The following HAS3 variants were observed in gnomAD, a reference collection of about 807,000 sequenced individuals.
HAS3 encodes the protein HA synthase 3.
A neutral mutation model predicts 50.3 loss-of-function variants in HAS3; 27 were observed. That is an observed-to-expected ratio of 0.54 (90% CI 0.40 to 0.74). HAS3 has a LOEUF of 0.74. HAS3 is among the 30% of genes least tolerant of loss of function. The pLI is 0.00. For missense variants in HAS3, 517 were observed against 742.8 expected (o/e 0.70, Z 3.53); for synonymous variants, 339 against 310.9 (o/e 1.09, Z -0.95).
intron 3 of HAS3, 65 bp downstream of exon 3, chr16:69,113,607 A>G (rs1340443445): frequency 1.1e-6 from 1 of 951,488 alleles, no homozygotes. Flanking sequence ...CCAATTGGAT[A>G]TGCCTGGGAA....
chr16:69,083,746 C>T, the HAS3 span: 2 of 1,418,060 alleles, frequency 1.4e-6, no homozygotes, highest in Middle Eastern at 2.3e-4. Flanking sequence ...GCCCTGCTGC[C>T]TCTTGAGTGC....
Position 69,116,949 on chromosome 16 carries a change from T to C in HAS3, c.*1683T>C. On this transcript the variant is annotated 3_prime_UTR_variant, in exon 4 of 4. Transcript: ENST00000569188. ...CTTCCTACAAAGACGCAAGGTGTGC[T>C]CTGAGCCACAGATGGGCAAACCCTG... The C allele has an allele frequency of 1.0e-6, 1 of 985,454 alleles. No homozygotes were observed. Among genetic ancestry groups the C allele is most frequent in the Non-Finnish European group, 1.2e-6 (1 of 829,946 alleles). The allele number at this position is 985,454 out of a possible 1,614,324, so 61.0% of individuals were successfully genotyped here. A position where few individuals can be genotyped will look rare whatever the true frequency, so the allele number is the denominator to read the frequency against.
the HAS3 span, among the ~76,000 whole-genome samples, chr16:69,090,716 TGCTACCACGCCTG>T: frequency 0.1 from 15,439 of 152,136 alleles, 846 homozygotes; most frequent in African/African-American, 0.14. Flanking sequence ...TACAGGGGCG[TGCTACCACGCCTG>T]GCTAATTTTC....
chr16:69,111,157 ATTTTTTTT>A (rs71148963), intron 2 of HAS3, among the ~76,000 whole-genome samples: 30 of 62,302 alleles, frequency 4.8e-4, no homozygotes, highest in African/African-American at 1.6e-3. Flanking sequence ...CTAGGCCAGG[ATTTTTTTT>A]TTTTTTTTTT....
chr16:69,114,201 G>A lies in HAS3; in HGVS notation c.739-142G>A. On this transcript the variant is annotated intron_variant, in intron 3 of 3. Coordinates refer to ENST00000569188, the MANE Select transcript of HAS3 (RefSeq NM_001199280.2). The surrounding 1 kb of genome is among the most constrained non-coding windows in gnomAD (Gnocchi z 6.4). ...GTGTGGTTGGCTCCTCTGAGCCTCA[G>A]GTTTCCCAGCTCCAAAGGAACCGAT... is the stretch of plus-strand genomic sequence containing the variant. The A allele has an allele frequency of 7.7e-7, 1 of 1,304,216 alleles. No homozygotes were observed. The highest frequency in any genetic ancestry group is 1.0e-6 in the Non-Finnish European group (1 of 964,268). The allele number at this position is 1,304,216 out of a possible 1,614,324, so 80.8% of individuals were successfully genotyped here.
rs566375039 is a variant in HAS3, at chr16:69,112,705, GGGCAAC to G, written c.637-735_637-730del. 4.5e-3 allele frequency among the ~76,000 whole-genome samples: 685 copies of G among 152,340 alleles called. 9 individuals are homozygous for G. Among genetic ancestry groups the G allele is most frequent in the Non-Finnish European group, 6.2e-3 (424 of 68,034 alleles). ...AAACCAGAAAAGGAGTCAGCCACTA[GGGCAAC>G]TAGTGGCCTGGGTTCAACTCATAAT... is the stretch of plus-strand genomic sequence containing the variant. On this transcript the variant is annotated intron_variant, in intron 2 of 3. Coordinates refer to ENST00000569188, the MANE Select transcript of HAS3 (RefSeq NM_001199280.2).
chr16:69,099,675 A>G, the HAS3 span, among the ~76,000 whole-genome samples: 3 of 152,282 alleles, frequency 2.0e-5, no homozygotes, highest in African/African-American at 7.2e-5. Context: ...AGGTATGCAT[A>G]CATAACGATT....
At position 69,116,080 on chromosome 16, in the gene HAS3, T is replaced by C. The variant is rs1845990553; in HGVS notation, c.*814T>C. 1.0e-6 allele frequency: 1 copy of C among 985,604 alleles called. No homozygotes were observed. The highest frequency in any genetic ancestry group is 1.2e-6 in the Non-Finnish European group (1 of 829,904). The allele number at this position is 985,604 out of a possible 1,614,324, so 61.1% of individuals were successfully genotyped here. On this transcript the variant is annotated 3_prime_UTR_variant, in exon 4 of 4. Transcript: ENST00000569188. ...GATCTCTGCTGGGGAGATAAAAAGATTAAGCCCCAACATGTTCAGAAAAGA... is the reference window on the plus strand; with the variant it reads ...GATCTCTGCTGGGGAGATAAAAAGACTAAGCCCCAACATGTTCAGAAAAGA...
At chr16:69,099,030 G>C in the HAS3 span, among the ~76,000 whole-genome samples, 3 of 151,324 alleles carry the variant, frequency 2.0e-5, no homozygotes, top group Non-Finnish European at 2.9e-5. Flanking sequence ...GAGTGCAGTG[G>C]CGCGATCTCG....
At chr16:69,088,055 C>G in the HAS3 span, among the ~76,000 whole-genome samples, 1 of 152,072 alleles carries the variant, frequency 6.6e-6, no homozygotes, top group Non-Finnish European at 1.5e-5. Context: ...TCCTATGGCT[C>G]TGCCTGCTCA....
At chr16:69,085,781 A>G in the HAS3 span, among the ~76,000 whole-genome samples, 7 of 146,646 alleles carry the variant, frequency 4.8e-5, no homozygotes, top group African/African-American at 1.5e-4. Flanking sequence ...GTTTCTCCAT[A>G]TTGGCCAGGC....
Position 69,107,552 on chromosome 16 carries a change from G to C in HAS3, c.-1+1765G>C, listed in dbSNP as rs1030397146. The stretch of plus-strand genomic sequence containing the variant: ...TGAGAAGCGTGGCGAGTGCGTTCGC[G>C]GCTGCTTTGACCTGGTGGGCGCCGC... On this transcript the variant is annotated intron_variant, in intron 1 of 3. Transcript: ENST00000569188. This position sits in a 1 kb window ranked among gnomAD's most constrained non-coding sequence, Gnocchi z 5.5. 3 of 984,170 alleles carry C rather than the reference G, an allele frequency of 3.0e-6. No individual in the cohort carries two copies. Among genetic ancestry groups the C allele is most frequent in the Non-Finnish European group, 3.6e-6 (3 of 828,708 alleles). 61.0% of individuals were successfully genotyped at this position (984,170 alleles called of 1,614,324 possible).
Position 69,116,384 on chromosome 16 carries a change from T to C in HAS3, c.*1118T>C, listed in dbSNP as rs1232431939. 9.1e-6 allele frequency: 9 copies of C among 985,912 alleles called. No homozygotes were observed. The highest frequency in any genetic ancestry group is 9.6e-6 in the Non-Finnish European group (8 of 829,938). 61.1% of individuals were successfully genotyped at this position (985,912 alleles called of 1,614,324 possible). A position where few individuals can be genotyped will look rare whatever the true frequency, so the allele number is the denominator to read the frequency against. ...GCCTCTGATCAAATTGGCTACAATC[T>C]TGGAGCTGCTTGGACGGATTCCTTG... On this transcript the variant is annotated 3_prime_UTR_variant, in exon 4 of 4. Transcript: ENST00000569188.
At chr16:69,092,389 G>T in the HAS3 span, among the ~76,000 whole-genome samples, 1 of 152,160 alleles carries the variant, frequency 6.6e-6, no homozygotes, top group Non-Finnish European at 1.5e-5. Flanking sequence ...GATCTCTTGA[G>T]ATCTGGAGCT....
Position 69,117,222 on chromosome 16 carries a change from C to A in HAS3, c.*1956C>A. Reference sequence around the variant, plus strand: ...TCAGCCAAGTGCAGAGTTCAGACTTCGCTAAGGGCTTGTTTTTCTTCAGCA... The same window carrying A: ...TCAGCCAAGTGCAGAGTTCAGACTTAGCTAAGGGCTTGTTTTTCTTCAGCA... On this transcript the variant is annotated 3_prime_UTR_variant, in exon 4 of 4. Transcript: ENST00000569188. The A allele has an allele frequency of 1.0e-6, 1 of 985,756 alleles. No individual in the cohort carries two copies. Among genetic ancestry groups the A allele is most frequent in the Non-Finnish European group, 1.2e-6 (1 of 829,874 alleles). 61.1% of individuals were successfully genotyped at this position (985,756 alleles called of 1,614,324 possible).
chr16:69,109,605 G>A lies in HAS3; in HGVS notation c.210G>A (p.Met70Ile), dbSNP rs749766980. The change falls in exon 2 of 4, where the codon ATG becomes ATA. Residue 70 changes from methionine to isoleucine, a missense_variant. Met to Ile is a conservative substitution (Grantham distance 10, BLOSUM62 1). Transcript: ENST00000569188. This position sits in a 1 kb window ranked among gnomAD's most constrained non-coding sequence, Gnocchi z 5.3. Reference sequence around the variant, plus strand: ...TTGCCTTCCTGGAGCACCGGCGCATGCGACGTGCCGGCCAGGCCCTGAAGC... The same window carrying A: ...TTGCCTTCCTGGAGCACCGGCGCATACGACGTGCCGGCCAGGCCCTGAAGC... Reference protein sequence around the residue: ...SLFAFLEHRRMRRAGQALKLP... With the variant: ...SLFAFLEHRRIRRAGQALKLP... 3 of 1,612,254 alleles carry A rather than the reference G, an allele frequency of 1.9e-6. No homozygotes were observed. Among genetic ancestry groups the A allele is most frequent in the Non-Finnish European group, 2.5e-6 (3 of 1,179,884 alleles).
At chr16:69,100,432 G>A in the HAS3 span, among the ~76,000 whole-genome samples, 1 of 152,328 alleles carries the variant, frequency 6.6e-6, no homozygotes, top group Non-Finnish European at 1.5e-5. Flanking sequence ...GAAAGTGGAT[G>A]GGGATGAAAC....
At chr16:69,101,786 CTCT>C (rs1311462680), upstream of HAS3, among the ~76,000 whole-genome samples, 14 of 122,884 alleles carry the variant, frequency 1.1e-4, no homozygotes, top group Admixed American at 1.6e-4. Context: ...TATACTTGTA[CTCT>C]TTTTTTTTTT....
Position 69,117,493 on chromosome 16 carries a change from A to T in HAS3, c.*2227A>T. On this transcript the variant is annotated 3_prime_UTR_variant, in exon 4 of 4. Coordinates refer to ENST00000569188, the MANE Select transcript of HAS3 (RefSeq NM_001199280.2). ...GAAGAGCCTTTATACAATTGGACGC[A>T]TTTTGGTTTTTCCTCATTGAGAATT... The T allele has an allele frequency of 1.0e-6, 1 of 982,742 alleles. No homozygotes were observed. Among genetic ancestry groups the T allele is most frequent in the Non-Finnish European group, 1.2e-6 (1 of 827,502 alleles). The allele number at this position is 982,742 out of a possible 1,614,324, so 60.9% of individuals were successfully genotyped here.
Sources: allele counts gnomAD v4.1 joint callset (sites outside exome capture counted in the v4.1 genomes callset), GRCh38; gene constraint gnomAD v4.1.1; non-coding constraint Gnocchi (gnomAD v3.1); transcripts MANE v1.5; gene names NCBI Gene and HGNC (gene_info 2026-07-23, HGNC 2026-07-21).